The following SDK1 variants were observed in gnomAD, a reference collection of about 807,000 sequenced individuals.
SDK1 encodes protein sidekick-1.
A neutral mutation model predicts 245.5 loss-of-function variants in SDK1; 157 were observed. The ratio of observed to expected loss-of-function variants is 0.64; its 90% CI spans 0.56 to 0.73. SDK1 has a LOEUF of 0.73. Ranked by LOEUF, SDK1 falls within the 30% of genes least tolerant of loss-of-function variation. The probability of loss-of-function intolerance (pLI) is 0.00; values close to 1 mark genes in which losing one functional copy is unlikely to be tolerated. For synonymous variants in SDK1, 1,647 were observed against 1,278.5 expected, an observed-to-expected ratio of 1.29 and a Z score of -6.15; for missense variants, 3,583 against 3,002.3, an observed-to-expected ratio of 1.19 and a Z score of -4.52.
At chr7:3,745,193 C>G (rs554327351) in intron 4 of SDK1, among the ~76,000 whole-genome samples, 1 of 152,186 alleles carries the variant, frequency 6.6e-6, no homozygotes, top group South Asian at 2.1e-4. Context: ...AGTCACTTAG[C>G]TCAGTTTCTC....
chr7:3,473,435 G>T (rs959102660), intron 1 of SDK1, among the ~76,000 whole-genome samples: 2 of 152,184 alleles, frequency 1.3e-5, no homozygotes, highest in African/African-American at 2.4e-5. Context: ...GTAGATGTGT[G>T]TTTAGTGTAT....
rs116052140 is a variant in SDK1, at chr7:3,809,268, G to T, written c.714-12182G>T. On this transcript the variant is annotated intron_variant, in intron 4 of 44. Coordinates refer to ENST00000404826, the MANE Select transcript of SDK1 (RefSeq NM_152744.4). The stretch of plus-strand genomic sequence containing the variant: ...CCAGATCTCACAAGAAGTCACTATC[G>T]TGAGGACAGCACCAAGAGGATGGTG... Among the ~76,000 whole-genome samples, 711 of 152,248 alleles carry T rather than the reference G, an allele frequency of 4.7e-3. 6 individuals are homozygous for T. The highest frequency in any genetic ancestry group is 0.016 in the African/African-American group (657 of 41,526).
chr7:3,357,157 A>G (rs1780821069), intron 1 of SDK1, among the ~76,000 whole-genome samples: 2 of 151,314 alleles, frequency 1.3e-5, no homozygotes, highest in Admixed American at 1.3e-4. Flanking sequence ...AATTTCTTGA[A>G]GTATCTCTTT....
At chr7:4,238,705 C>T (rs894029007) in intron 42 of SDK1, among the ~76,000 whole-genome samples, 1 of 151,862 alleles carries the variant, frequency 6.6e-6, no homozygotes, top group Non-Finnish European at 1.5e-5. Context: ...TGCATCTCCA[C>T]GCCCGGCTAA....
At chr7:4,191,894 C>A (rs1330983039) in intron 35 of SDK1, among the ~76,000 whole-genome samples, 1 of 152,242 alleles carries the variant, frequency 6.6e-6, no homozygotes, top group African/African-American at 2.4e-5. Context: ...GGGTTCACAT[C>A]CAACCCACTG....
At chr7:4,179,723 C>T (rs1159496035) in intron 35 of SDK1, among the ~76,000 whole-genome samples, 1 of 151,756 alleles carries the variant, frequency 6.6e-6, no homozygotes, top group Non-Finnish European at 1.5e-5. Context: ...GGTGGGGCCA[C>T]CAAGGGTGCT....
chr7:3,960,681 C>T (rs1301085460), intron 8 of SDK1, among the ~76,000 whole-genome samples: 1 of 152,186 alleles, frequency 6.6e-6, no homozygotes, highest in Non-Finnish European at 1.5e-5. Context: ...CTCACAGCGG[C>T]TGCTGTCCAC....
At chr7:3,822,599 G>T (rs750907075) in intron 5 of SDK1, among the ~76,000 whole-genome samples, 1 of 151,908 alleles carries the variant, frequency 6.6e-6, no homozygotes, top group African/African-American at 2.4e-5. Context: ...GTGAAACCCT[G>T]TCTCTACAAA....
intron 1 of SDK1, among the ~76,000 whole-genome samples, chr7:3,427,688 C>T (rs1228570067): frequency 6.6e-6 from 1 of 152,052 alleles, no homozygotes; most frequent in Admixed American, 6.6e-5. Context: ...GATCAGTTTC[C>T]CGTATTTCAT....
intron 1 of SDK1, among the ~76,000 whole-genome samples, chr7:3,381,106 T>G (rs1455658607): frequency 1.3e-5 from 2 of 152,158 alleles, no homozygotes; most frequent in South Asian, 2.1e-4. Context: ...TGATTAACAT[T>G]ACTCAGGGGG....
At chr7:3,405,582 G>C (rs1779029076) in intron 1 of SDK1, among the ~76,000 whole-genome samples, 1 of 152,030 alleles carries the variant, frequency 6.6e-6, no homozygotes, top group African/African-American at 2.4e-5. Flanking sequence ...AAAGCTTTTG[G>C]GTTTACCCCA....
At chr7:3,744,593 C>G (rs973999179) in intron 4 of SDK1, among the ~76,000 whole-genome samples, 1 of 152,128 alleles carries the variant, frequency 6.6e-6, no homozygotes, top group Non-Finnish European at 1.5e-5. Context: ...GGGCAGATCA[C>G]AAAGTCAGGA....
chr7:3,712,811 G>C (rs1397502814), intron 4 of SDK1, among the ~76,000 whole-genome samples: 1 of 152,224 alleles, frequency 6.6e-6, no homozygotes, highest in Admixed American at 6.5e-5. Flanking sequence ...AAGGAGCAGA[G>C]TCTAAATGTG....
chr7:4,065,220 A>C (rs897307591), intron 19 of SDK1, among the ~76,000 whole-genome samples: 10 of 152,170 alleles, frequency 6.6e-5, no homozygotes, highest in African/African-American at 2.4e-4. Context: ...AAGTAAAGAA[A>C]GCTTCAGACT....
intron 4 of SDK1, among the ~76,000 whole-genome samples, chr7:3,671,507 T>C (rs1783699484): frequency 6.6e-6 from 1 of 152,250 alleles, no homozygotes; most frequent in South Asian, 2.1e-4. Context: ...TAAGCTCTGA[T>C]GTTATCCCTT....
chr7:3,793,562 A>C (rs1778871716), intron 4 of SDK1, among the ~76,000 whole-genome samples: 1 of 152,102 alleles, frequency 6.6e-6, no homozygotes, highest in South Asian at 2.1e-4. Context: ...TGCCCTTTAC[A>C]GCTTTTGTAT....
At chr7:3,646,190 T>A (rs1460134224) in intron 4 of SDK1, among the ~76,000 whole-genome samples, 4 of 152,166 alleles carry the variant, frequency 2.6e-5, no homozygotes, top group Non-Finnish European at 1.5e-5. Flanking sequence ...CTTGTGTGAG[T>A]TTGGTTCCCT....
At chr7:4,193,185 AATATATTAATATATTT>A (rs1333655368) in intron 35 of SDK1, among the ~76,000 whole-genome samples, 3 of 132,910 alleles carry the variant, frequency 2.3e-5, no homozygotes, top group East Asian at 2.0e-4. Flanking sequence ...ATATTGTATA[AATATATTAATATATTT>A]ATATATTAAT....
At chr7:3,999,793 A>G (rs374652417) in intron 14 of SDK1, among the ~76,000 whole-genome samples, 9 of 152,360 alleles carry the variant, frequency 5.9e-5, no homozygotes, top group African/African-American at 2.2e-4. Flanking sequence ...CTGGAGAAAT[A>G]GTAGATGATG....
Sources: gnomAD v4.1 joint callset for allele counts (sites outside exome capture counted in the v4.1 genomes callset) on GRCh38, gnomAD v4.1.1 for gene constraint, MANE v1.5 for transcripts, NCBI Gene and HGNC (gene_info 2026-07-23, HGNC 2026-07-21) for gene names.